Variants in ATP11A observed in about 807,000 individuals in gnomAD.
ATP11A encodes the protein ATPase phospholipid transporting 11A.
In ATP11A, 81 loss-of-function variants were observed where a neutral mutation model predicts 154.4. The ratio of observed to expected loss-of-function variants is 0.52; its 90% CI spans 0.44 to 0.63. The LOEUF (loss-of-function observed/expected upper bound fraction) is 0.63, where lower values mean the gene tolerates loss of function less well. Ranked by LOEUF, ATP11A falls within the 30% of genes least tolerant of loss-of-function variation. The pLI, the probability that ATP11A is intolerant of heterozygous loss-of-function variation, is 0.00. For synonymous variants in ATP11A, 623 were observed against 585.9 expected (o/e 1.06, Z -0.91); for missense variants, 1,316 against 1,474.3 (o/e 0.89, Z 1.76).
rs45462691 is a variant in ATP11A at position 112,880,619 on chromosome 13, G to A, written c.*10-1257G>A. 4.1e-3 allele frequency: 5,347 copies of A among 1,297,688 alleles called. 22 individuals carry two copies. The highest frequency in any genetic ancestry group is 0.018 in the East Asian group (320 of 18,002). 80.4% of individuals were successfully genotyped at this position (1,297,688 alleles called of 1,614,324 possible). On this transcript the variant is annotated intron_variant, in intron 29 of 29. Transcript: ENST00000375645. ...GGGCCCCTCCTGAAGGACCTCCTACGGCGGCCAAGGCGCAGTTAGCTCCAC... is the reference window on the plus strand; with the variant it reads ...GGGCCCCTCCTGAAGGACCTCCTACAGCGGCCAAGGCGCAGTTAGCTCCAC...
chr13:112,714,140 ACTC>A (rs1888155029), intron 1 of ATP11A, among the ~76,000 whole-genome samples: 1 of 91,820 alleles, frequency 1.1e-5, no homozygotes, highest in South Asian at 3.6e-4. Flanking sequence ...ACTCCCTTCC[ACTC>A]CTCCCACCCG....
At chr13:112,818,257 G>C (rs1343497688) in intron 6 of ATP11A, among the ~76,000 whole-genome samples, 4 of 150,408 alleles carry the variant, frequency 2.7e-5, no homozygotes, top group Non-Finnish European at 5.9e-5. Flanking sequence ...TGCGCTTGGT[G>C]ACGGGGCGAT....
chr13:112,836,073 G>T, intron 15 of ATP11A, 105 bp from the exon 16 acceptor site: 1 of 773,934 alleles, frequency 1.3e-6, no homozygotes, highest in Non-Finnish European at 2.1e-6. Flanking sequence ...CTGAGGAAGG[G>T]CCAGGGCTGC....
chr13:112,823,490 C>A, intron 9 of ATP11A, 81 bp downstream of exon 9: 1 of 1,196,048 alleles, frequency 8.4e-7, no homozygotes. Context: ...CAGCGGAACC[C>A]GAGAGCGTTT....
At position 112,842,378 on chromosome 13, in the gene ATP11A, T is replaced by G; in HGVS notation, c.1808T>G (p.Val603Gly). The G allele has an allele frequency of 6.2e-7, 1 of 1,600,280 alleles. No homozygotes were observed. The highest frequency in any genetic ancestry group is 8.5e-7 in the Non-Finnish European group (1 of 1,172,548). The change falls in exon 17 of 30, where the codon GTG (valine) becomes GGG (glycine). Residue 603 changes from valine to glycine, a missense_variant and splice_region_variant. Physicochemically the swap from Val to Gly is moderately radical, Grantham distance 109. Coordinates refer to ENST00000375645, the MANE Select transcript of ATP11A (RefSeq NM_015205.3). ...CGAGCCAGAGTGGAGCGTAACGCAG[T>G]GGTGAGAGCCGGGCTGGGGAGGGCC... The part of the protein sequence containing the change: ...QIRARVERNA[V>G]EGLRTLCVAY...
rs1461095669 is a variant in ATP11A at position 112,746,237 on chromosome 13, T to C, written c.40-38898T>C. 1 of 152,184 alleles carries C rather than the reference T, an allele frequency of 6.6e-6. No homozygotes were observed. Among genetic ancestry groups the C allele is most frequent in the African/African-American group, 2.4e-5 (1 of 41,428 alleles). The allele number at this position is 152,184 out of a possible 1,614,324, so 9.4% of individuals were successfully genotyped here. A position where few individuals can be genotyped will look rare whatever the true frequency, so the allele number is the denominator to read the frequency against. On this transcript the variant is annotated intron_variant, in intron 1 of 29. Coordinates refer to ENST00000375645, the MANE Select transcript of ATP11A (RefSeq NM_015205.3). The surrounding 1 kb of genome is among the most constrained non-coding windows in gnomAD (Gnocchi z 4.1). ...ATCCTGTGCTGGGTCATACCTATGT[T>C]TAATTCTCTGAGGAACCTCCGTGCT... is the stretch of plus-strand genomic sequence containing the variant.
At chr13:112,791,738 C>T (rs938107340) in intron 2 of ATP11A, among the ~76,000 whole-genome samples, 3 of 152,202 alleles carry the variant, frequency 2.0e-5, no homozygotes, top group African/African-American at 2.4e-5. Context: ...CTCTCCCCCT[C>T]GGCTGGGCCC....
At chr13:112,767,314 C>T (rs367663900) in intron 1 of ATP11A, among the ~76,000 whole-genome samples, 3 of 1,710 alleles carry the variant, frequency 1.8e-3, no homozygotes, top group Non-Finnish European at 0.011. Flanking sequence ...GATGTGGGGG[C>T]GTTGGGGGCC....
At position 112,845,387 on chromosome 13, in the gene ATP11A, A is replaced by AG. The variant is rs1483562056; in HGVS notation, c.1809+3009dup. Among the ~76,000 whole-genome samples, 55 of 104,038 alleles carry AG rather than the reference A, an allele frequency of 5.3e-4. 1 individual carries two copies. Among genetic ancestry groups the AG allele is most frequent in the African/African-American group, 1.5e-3 (23 of 15,662 alleles). The allele number at this position is 104,038 out of a possible 152,430, so 68.3% of individuals were successfully genotyped here. A position where few individuals can be genotyped will look rare whatever the true frequency, so the allele number is the denominator to read the frequency against. On this transcript the variant is annotated intron_variant, in intron 17 of 29. Transcript: ENST00000375645. Reference sequence around the variant, plus strand: ...AGCGGTACTATTCAGTCCAGTTGCCAGCACTAGCGGTACTATTCAGTCCAG... The same window carrying AG: ...AGCGGTACTATTCAGTCCAGTTGCCAGGCACTAGCGGTACTATTCAGTCCAG...
chr13:112,765,995 G>A (rs559014606), intron 1 of ATP11A, among the ~76,000 whole-genome samples: 252 of 152,364 alleles, frequency 1.7e-3, no homozygotes, highest in African/African-American at 5.7e-3. Flanking sequence ...TTTAGTTCAC[G>A]AGTGTGGATT....
intron 1 of ATP11A, among the ~76,000 whole-genome samples, chr13:112,715,163 G>C (rs1451035134): frequency 6.6e-6 from 1 of 152,162 alleles, no homozygotes; most frequent in Non-Finnish European, 1.5e-5. Flanking sequence ...AAGGACACTT[G>C]GGTTGTTTCC....
At chr13:112,860,110 T>C (rs925633683) in intron 23 of ATP11A, among the ~76,000 whole-genome samples, 177 bp from the exon 24 acceptor site, 1 of 152,152 alleles carries the variant, frequency 6.6e-6, no homozygotes, top group African/African-American at 2.4e-5. Flanking sequence ...TTTTGCCAGC[T>C]GTGACTTTCA....
intron 1 of ATP11A, among the ~76,000 whole-genome samples, chr13:112,749,119 T>A (rs2076629012): frequency 6.6e-6 from 1 of 152,206 alleles, no homozygotes; most frequent in Admixed American, 6.5e-5. Flanking sequence ...CTCCCTGGCG[T>A]GCCACAGCAT....
In ATP11A at chr13:112,762,027, G is replaced by A. The variant is rs578095214; in HGVS notation, c.40-23108G>A. 5.9e-5 allele frequency among the ~76,000 whole-genome samples: 9 copies of A among 152,308 alleles called. No homozygotes were observed. The East Asian group carries it at 1.2e-3, about 20-fold the overall frequency. ...CCTAGCCCTGTGGGTGTTTGAGTTC[G>A]TGACCTCGATGGAAGATAGAAAGCA... On this transcript the variant is annotated intron_variant, in intron 1 of 29. Coordinates refer to ENST00000375645, the MANE Select transcript of ATP11A (RefSeq NM_015205.3).
rs7325157 is a variant in ATP11A at position 112,842,005 on chromosome 13, G to C, written c.1706-271G>C. Among the ~76,000 whole-genome samples the C allele has an allele frequency of 0.015, 2,215 of 152,316 alleles. 58 individuals carry two copies. Among genetic ancestry groups the C allele is most frequent in the African/African-American group, 0.05 (2,092 of 41,570 alleles). ...TTTGTCCCCTTTCGTGTCTTTCCCA[G>C]AGAAAAAACAGAGTCCCGGAGCCAA... On this transcript the variant is annotated intron_variant, in intron 16 of 29. Coordinates refer to ENST00000375645, the MANE Select transcript of ATP11A (RefSeq NM_015205.3).
chr13:112,858,536 A>G (rs2080003282), intron 22 of ATP11A: 2 of 415,760 alleles, frequency 4.8e-6, no homozygotes, highest in Non-Finnish European at 8.7e-6. Flanking sequence ...TGCAGAAATA[A>G]ACAGTTCCTC....
At chr13:112,833,828 C>T (rs1482029950) in intron 14 of ATP11A, among the ~76,000 whole-genome samples, 2 of 152,240 alleles carry the variant, frequency 1.3e-5, no homozygotes, top group African/African-American at 2.4e-5. Flanking sequence ...AGGAATGCCA[C>T]TGCCTTCATC....
intron 17 of ATP11A, among the ~76,000 whole-genome samples, chr13:112,845,431 T>A (rs374333995): frequency 8.1e-4 from 50 of 62,018 alleles, no homozygotes; most frequent in African/African-American, 1.8e-3. Flanking sequence ...CACTAGTGGT[T>A]CTAACCAGTC....
Position 112,792,180 on chromosome 13 carries a change from A to AGGAAAGGCCCTC in ATP11A, c.162+6924_162+6935dup, listed in dbSNP as rs371650677. Reference sequence around the variant, plus strand: ...CCTCTTTTGCTAATGGAACTCAGGAAGGAAAGGCCCTCAGAAAGGCTGGAG... The same window carrying AGGAAAGGCCCTC: ...CCTCTTTTGCTAATGGAACTCAGGAAGGAAAGGCCCTCGGAAAGGCCCTCAGAAAGGCTGGAG... On this transcript the variant is annotated intron_variant, in intron 2 of 29. Transcript: ENST00000375645. Among the ~76,000 whole-genome samples the AGGAAAGGCCCTC allele has an allele frequency of 9.0e-3, 1,371 of 152,334 alleles. 3 individuals carry two copies. The highest frequency in any genetic ancestry group is 0.017 in the Middle Eastern group (5 of 294).
Sources: allele counts gnomAD v4.1 joint callset (sites outside exome capture counted in the v4.1 genomes callset), GRCh38; gene constraint gnomAD v4.1.1; non-coding constraint Gnocchi (gnomAD v3.1); transcripts MANE v1.5; gene names NCBI Gene and HGNC (gene_info 2026-07-23, HGNC 2026-07-21).